PHACTR4: variants seen among roughly 807,000 people sequenced by gnomAD.
PHACTR4 encodes the protein phosphatase and actin regulator 4, also known as protein phosphatase 1, regulatory subunit 124.
PHACTR4 carries 51 observed loss-of-function variants against 72.7 expected under a neutral mutation model. That is an observed-to-expected ratio of 0.70 (90% CI 0.56 to 0.89). The LOEUF (loss-of-function observed/expected upper bound fraction) is 0.89, where lower values mean the gene tolerates loss of function less well. Among genes scored for constraint, PHACTR4 ranks in the 40% least tolerant of loss-of-function variants. The pLI is 0.00. For missense variants in PHACTR4, 731 were observed against 861.8 expected, an observed-to-expected ratio of 0.85 and a Z score of 1.90; for synonymous variants, 255 against 302.5, an observed-to-expected ratio of 0.84 and a Z score of 1.63.
intron 1 of PHACTR4, among the ~76,000 whole-genome samples, chr1:28,379,669 C>A (rs1332615125): frequency 1.3e-5 from 2 of 150,722 alleles, no homozygotes; most frequent in Non-Finnish European, 3.0e-5. Flanking sequence ...GGCTCAGTGC[C>A]AGCTCCGCCT....
intron 1 of PHACTR4, among the ~76,000 whole-genome samples, chr1:28,386,219 G>T (rs1009153676): frequency 1.3e-5 from 2 of 151,932 alleles, no homozygotes; most frequent in Non-Finnish European, 2.9e-5. Context: ...TCAGCCTCCC[G>T]AGTAGCTGGG....
intron 2 of PHACTR4, among the ~76,000 whole-genome samples, chr1:28,416,775 C>T (rs750704497): frequency 6.6e-6 from 1 of 152,286 alleles, no homozygotes; most frequent in East Asian, 1.9e-4. Flanking sequence ...TTTCTTCCAG[C>T]CTGTGGCTTG....
intron 2 of PHACTR4, among the ~76,000 whole-genome samples, chr1:28,419,065 T>C (rs1655322899): frequency 6.6e-6 from 1 of 150,752 alleles, no homozygotes; most frequent in African/African-American, 2.5e-5. Flanking sequence ...AAGTTTTCTA[T>C]GTACAGTAGT....
intron 2 of PHACTR4, among the ~76,000 whole-genome samples, chr1:28,429,960 A>G (rs186319841): frequency 4.0e-5 from 6 of 151,684 alleles, no homozygotes; most frequent in Non-Finnish European, 8.8e-5. Flanking sequence ...CCTCTCCTGT[A>G]TTATCCCTTG....
At chr1:28,454,618 A>G (rs1168519710) in intron 2 of PHACTR4, among the ~76,000 whole-genome samples, 1 of 152,140 alleles carries the variant, frequency 6.6e-6, no homozygotes, top group African/African-American at 2.4e-5. Context: ...TGATAGAGCA[A>G]ACAGACAACA....
chr1:28,494,966 G>T (rs756010560), intron 13 of PHACTR4, among the ~76,000 whole-genome samples: 5 of 152,178 alleles, frequency 3.3e-5, no homozygotes, highest in Admixed American at 6.6e-5. Context: ...ATCTTAGTGA[G>T]CATAGTGGTA....
At position 28,430,927 on chromosome 1, in the gene PHACTR4, C is replaced by T. The variant is rs551212015; in HGVS notation, c.16+23464C>T. Among the ~76,000 whole-genome samples the T allele has an allele frequency of 2.0e-5, 3 of 152,160 alleles. No homozygotes were observed. The East Asian group carries it at 5.8e-4, about 29-fold the overall frequency. On this transcript the variant is annotated intron_variant, in intron 2 of 13. Coordinates refer to ENST00000373839, the MANE Select transcript of PHACTR4 (RefSeq NM_001048183.3). ...GCACAGTGGCTCACTCCTGTAATCC[C>T]AGCACTTTGGGAGGCCGAGGCAGGC...
chr1:28,463,130 T>C (rs907767573), intron 4 of PHACTR4, among the ~76,000 whole-genome samples: 1 of 151,614 alleles, frequency 6.6e-6, no homozygotes, highest in Non-Finnish European at 1.5e-5. Context: ...GCCCAGAAGA[T>C]TGAAGGCTGC....
At chr1:28,376,819 A>G (rs1213884866) in intron 1 of PHACTR4, among the ~76,000 whole-genome samples, 1 of 142,694 alleles carries the variant, frequency 7.0e-6, no homozygotes, top group African/African-American at 2.8e-5. Flanking sequence ...TTGTATTTTT[A>G]GTAGAGACAG....
At chr1:28,421,644 A>G (rs1655518390) in intron 2 of PHACTR4, among the ~76,000 whole-genome samples, 1 of 152,002 alleles carries the variant, frequency 6.6e-6, no homozygotes, top group Non-Finnish European at 1.5e-5. Context: ...TGGCTGCTTT[A>G]TTTTGTCCAT....
rs540897713 is a variant in PHACTR4 at position 28,438,681 on chromosome 1, C to G, written c.17-20404C>G. Among the ~76,000 whole-genome samples, 4 of 152,222 alleles carry G rather than the reference C, an allele frequency of 2.6e-5. No homozygotes were observed. In the South Asian group the frequency reaches 8.3e-4, roughly 32 times the overall value. Reference sequence around the variant, plus strand: ...CGCTCACAGTTTTGTTTTACTTGATCTCTTTGAAGTTTTTTATATTATATT... The same window carrying G: ...CGCTCACAGTTTTGTTTTACTTGATGTCTTTGAAGTTTTTTATATTATATT... On this transcript the variant is annotated intron_variant, in intron 2 of 13. Transcript: ENST00000373839.
chr1:28,400,465 C>CA (rs1222989831), intron 1 of PHACTR4, among the ~76,000 whole-genome samples: 15 of 150,758 alleles, frequency 9.9e-5, no homozygotes, highest in Non-Finnish European at 1.5e-4. Context: ...ACTCAGAGGC[C>CA]AAAAAAAAGA....
At chr1:28,451,651 A>AT (rs1657981044) in intron 2 of PHACTR4, among the ~76,000 whole-genome samples, 2 of 140,240 alleles carry the variant, frequency 1.4e-5, no homozygotes, top group African/African-American at 5.3e-5. Flanking sequence ...TTATGCATTA[A>AT]TTTTTTTCTT....
chr1:28,436,765 G>T (rs1656662215), intron 2 of PHACTR4, among the ~76,000 whole-genome samples: 1 of 152,002 alleles, frequency 6.6e-6, no homozygotes, highest in South Asian at 2.1e-4. Context: ...TATGTACTTG[G>T]CTATATGTAA....
chr1:28,490,670 ACT>A (rs1426132918), intron 10 of PHACTR4, among the ~76,000 whole-genome samples: 1 of 151,152 alleles, frequency 6.6e-6, no homozygotes, highest in Admixed American at 6.6e-5. Flanking sequence ...ATATGATGAA[ACT>A]CTGTCTCTAC....
At chr1:28,444,214 CTTTTTTTTTTTT>C (rs746642128) in intron 2 of PHACTR4, among the ~76,000 whole-genome samples, 422 of 41,100 alleles carry the variant, frequency 0.01, 5 homozygotes, top group Non-Finnish European at 0.015. Flanking sequence ...ATATATTTGG[CTTTTTTTTTTTT>C]TTTTTTTTTT....
intron 2 of PHACTR4, among the ~76,000 whole-genome samples, chr1:28,444,400 T>C (rs1277777790): frequency 1.3e-5 from 2 of 150,638 alleles, no homozygotes; most frequent in African/African-American, 2.4e-5. Context: ...CAGCTAATTT[T>C]TGTATTTTTA....
At chr1:28,410,941 AG>A (rs1290937465) in intron 2 of PHACTR4, among the ~76,000 whole-genome samples, 1 of 151,888 alleles carries the variant, frequency 6.6e-6, no homozygotes, top group Non-Finnish European at 1.5e-5. Context: ...TCCTGACCTC[AG>A]GTGATCCACC....
chr1:28,404,877 C>T (rs1205785727), intron 1 of PHACTR4, among the ~76,000 whole-genome samples: 3 of 152,066 alleles, frequency 2.0e-5, no homozygotes, highest in Non-Finnish European at 4.4e-5. Flanking sequence ...CCGGTAATAA[C>T]CATAACACCT....
Sources: gnomAD v4.1 joint callset for allele counts (sites outside exome capture counted in the v4.1 genomes callset) on GRCh38, gnomAD v4.1.1 for gene constraint, MANE v1.5 for transcripts, NCBI Gene and HGNC (gene_info 2026-07-23, HGNC 2026-07-21) for gene names.